DIS3L2: variants seen among roughly 807,000 people sequenced by gnomAD.
The protein encoded by DIS3L2 is DIS3 like 3'-5' exoribonuclease 2, also known as DIS3-like exonuclease 2.
Under a neutral mutation model 97.5 loss-of-function variants are expected in DIS3L2, and 34 were observed. That is an observed-to-expected ratio of 0.35 (90% CI 0.27 to 0.46). The LOEUF (loss-of-function observed/expected upper bound fraction) is 0.46. Ranked by LOEUF, DIS3L2 falls within the 20% of genes least tolerant of loss-of-function variation. The probability of loss-of-function intolerance (pLI) is 1.00; values close to 1 mark genes in which losing one functional copy is unlikely to be tolerated. For synonymous variants in DIS3L2, 435 were observed against 445.2 expected, an observed-to-expected ratio of 0.98 and a Z score of 0.29; for missense variants, 1,038 against 1,146.0, an observed-to-expected ratio of 0.91 and a Z score of 1.36.
intron 9 of DIS3L2, among the ~76,000 whole-genome samples, chr2:232,193,021 G>A (rs1455755301): frequency 1.3e-5 from 2 of 152,146 alleles, no homozygotes; most frequent in African/African-American, 4.8e-5. Context: ...TTAGTGGGAT[G>A]GCTGCTATCT....
chr2:232,308,348 G>A (rs774736428), intron 14 of DIS3L2, among the ~76,000 whole-genome samples: 14 of 152,188 alleles, frequency 9.2e-5, no homozygotes, highest in African/African-American at 2.2e-4. Context: ...TGGCAGATCC[G>A]TTGTCCCTGC....
chr2:232,199,691 C>T (rs569827417), intron 9 of DIS3L2, among the ~76,000 whole-genome samples: 1 of 152,102 alleles, frequency 6.6e-6, no homozygotes, highest in South Asian at 2.1e-4. Flanking sequence ...AAAAATGTAT[C>T]TATCTATATA....
intron 10 of DIS3L2, among the ~76,000 whole-genome samples, chr2:232,221,101 CAAAAA>C (rs373784144): frequency 3.1e-5 from 3 of 97,602 alleles, no homozygotes; most frequent in African/African-American, 1.2e-4. Flanking sequence ...GACTTCATCT[CAAAAA>C]AAAAAAAAAA....
chr2:232,329,785 T>TCCCCGGGCCAC, intron 14 of DIS3L2, 28 bp from the exon 15 acceptor site: 1 of 967,144 alleles, frequency 1.0e-6, no homozygotes, highest in Non-Finnish European at 1.5e-6. Context: ...ACCCCAGCGG[T>TCCCCGGGCCAC]CCCTCCCATC....
intron 14 of DIS3L2, among the ~76,000 whole-genome samples, chr2:232,322,979 C>T (rs916468766): frequency 3.3e-5 from 5 of 152,230 alleles, no homozygotes; most frequent in Non-Finnish European, 5.9e-5. Flanking sequence ...GGACCCCTGG[C>T]CAGGAGCAAG....
intron 8 of DIS3L2, among the ~76,000 whole-genome samples, chr2:232,153,849 G>A (rs1451008543): frequency 2.6e-5 from 4 of 152,116 alleles, no homozygotes; most frequent in African/African-American, 4.8e-5. Flanking sequence ...CCAATGAGAC[G>A]TAGATTTGGT....
intron 14 of DIS3L2, among the ~76,000 whole-genome samples, chr2:232,311,761 T>G (rs1479528339): frequency 6.6e-6 from 1 of 152,190 alleles, no homozygotes; most frequent in Non-Finnish European, 1.5e-5. Flanking sequence ...AGCATTATAT[T>G]TGTGAGAATT....
exon 14 of DIS3L2, chr2:232,343,731 C>T: frequency 1.3e-6 from 1 of 778,202 alleles, no homozygotes; most frequent in Non-Finnish European, 2.1e-6. Context: ...ACGGAGCTCG[C>T]CTCTGCATTC....
intron 14 of DIS3L2, among the ~76,000 whole-genome samples, chr2:232,317,506 T>C (rs535488286): frequency 1.3e-5 from 2 of 152,278 alleles, no homozygotes; most frequent in Non-Finnish European, 2.9e-5. Context: ...GCCCGATCTC[T>C]GCTCACTGTA....
intron 4 of DIS3L2, among the ~76,000 whole-genome samples, chr2:232,026,376 G>A (rs1230969919): frequency 6.6e-6 from 1 of 151,992 alleles, no homozygotes; most frequent in Admixed American, 6.6e-5. Context: ...CTTCACCTCT[G>A]GCTTGCCCCT....
chr2:232,233,828 G>A (rs1692861623), intron 10 of DIS3L2, among the ~76,000 whole-genome samples: 1 of 152,186 alleles, frequency 6.6e-6, no homozygotes, highest in African/African-American at 2.4e-5. Flanking sequence ...AGATTTTAAA[G>A]AGCTTGTTCA....
intron 6 of DIS3L2, among the ~76,000 whole-genome samples, chr2:232,111,023 C>G (rs1422991903): frequency 6.6e-6 from 1 of 152,036 alleles, no homozygotes; most frequent in Non-Finnish European, 1.5e-5. Flanking sequence ...CTCTAATTAA[C>G]AGTTATATGT....
At chr2:232,245,408 G>A (rs757983341) in intron 11 of DIS3L2, among the ~76,000 whole-genome samples, 30 of 152,178 alleles carry the variant, frequency 2.0e-4, no homozygotes, top group Non-Finnish European at 4.0e-4. Context: ...GCTGTGCCTG[G>A]GGTTGTGGGA....
chr2:232,135,120 C>A (rs1698321329), intron 7 of DIS3L2, among the ~76,000 whole-genome samples: 1 of 151,986 alleles, frequency 6.6e-6, no homozygotes, highest in Non-Finnish European at 1.5e-5. Flanking sequence ...TTGCTGAAAT[C>A]AAATAGAAGT....
intron 8 of DIS3L2, among the ~76,000 whole-genome samples, chr2:232,149,100 G>C (rs1007214478): frequency 6.7e-6 from 1 of 149,738 alleles, no homozygotes; most frequent in African/African-American, 2.5e-5. Context: ...CATCTCAGAT[G>C]GTGCGTGAAA....
chr2:232,084,631 G>A (rs1696516259), intron 5 of DIS3L2, among the ~76,000 whole-genome samples: 1 of 152,128 alleles, frequency 6.6e-6, no homozygotes, highest in Admixed American at 6.5e-5. Flanking sequence ...TAAAGAGAGG[G>A]AGATATGTCT....
chr2:232,292,697 C>T lies in DIS3L2; in HGVS notation c.1660-7343C>T, dbSNP rs1046506502. Among the ~76,000 whole-genome samples the T allele has an allele frequency of 2.4e-4, 37 of 152,216 alleles. No individual in the cohort carries two copies. Among genetic ancestry groups the T allele is most frequent in the African/African-American group, 8.4e-4 (35 of 41,462 alleles). ...GCCTGCCCTCCTGTGTGACCTCAGCCTGAGCCCCTGAAAGGAGAAGGCTCT... is the reference window on the plus strand; with the variant it reads ...GCCTGCCCTCCTGTGTGACCTCAGCTTGAGCCCCTGAAAGGAGAAGGCTCT... On this transcript the variant is annotated intron_variant, in intron 13 of 20. Transcript: ENST00000325385. This position sits in a 1 kb window ranked among gnomAD's most constrained non-coding sequence, Gnocchi z 4.4.
intron 1 of DIS3L2, among the ~76,000 whole-genome samples, chr2:232,002,988 A>G (rs180917768): frequency 3.3e-4 from 50 of 152,352 alleles, no homozygotes; most frequent in Middle Eastern, 3.4e-3. Flanking sequence ...GCCTCAACTC[A>G]ATCAAGTTAT....
At chr2:232,337,769 A>ACACT (rs1352869947), downstream of DIS3L2, among the ~76,000 whole-genome samples, 1 of 151,736 alleles carries the variant, frequency 6.6e-6, no homozygotes. Flanking sequence ...CTTCAAAGAA[A>ACACT]CACTCAATAG....
Sources: gnomAD v4.1 joint callset for allele counts (sites outside exome capture counted in the v4.1 genomes callset) on GRCh38, gnomAD v4.1.1 for gene constraint, Gnocchi (gnomAD v3.1) non-coding constraint, MANE v1.5 for transcripts, NCBI Gene and HGNC (gene_info 2026-07-23, HGNC 2026-07-21) for gene names.